AADACL4: variants seen among roughly 807,000 people sequenced by gnomAD.
AADACL4 encodes arylacetamide deacetylase like 4, also known as arylacetamide deacetylase-like 4.
AADACL4 carries 9 observed loss-of-function variants against 14.1 expected under a neutral mutation model. The ratio of observed to expected loss-of-function variants is 0.64; its 90% CI spans 0.39 to 1.12. The LOEUF (loss-of-function observed/expected upper bound fraction) is 1.12, where lower values mean the gene tolerates loss of function less well. AADACL4 is among the 50% of genes most tolerant of loss of function. The pLI, the probability that AADACL4 is intolerant of heterozygous loss-of-function variation, is 0.01. For missense variants in AADACL4, 531 were observed against 516.1 expected, an observed-to-expected ratio of 1.03 and a Z score of -0.28; for synonymous variants, 188 against 201.6, an observed-to-expected ratio of 0.93 and a Z score of 0.57.
chr1:12,666,997 A>G lies in AADACL4; in HGVS notation c.*262A>G. 2.1e-6 allele frequency: 1 copy of G among 468,378 alleles called. No individual in the cohort carries two copies. The allele number at this position is 468,378 out of a possible 1,614,324, so 29.0% of individuals were successfully genotyped here. A position where few individuals can be genotyped will look rare whatever the true frequency, so the allele number is the denominator to read the frequency against. Reference sequence around the variant, plus strand: ...TCCCATTTAGGTGAAATAAATATCAAAAGGAGAAAAAAATGCCTTTAAAAA... The same window carrying G: ...TCCCATTTAGGTGAAATAAATATCAGAAGGAGAAAAAAATGCCTTTAAAAA... On this transcript the variant is annotated 3_prime_UTR_variant, in exon 4 of 4. Transcript: ENST00000376221.
chr1:12,658,991 G>A (rs3000890), intron 2 of AADACL4, among the ~76,000 whole-genome samples: 10,191 of 152,256 alleles, frequency 0.067, 1,087 homozygotes, highest in African/African-American at 0.23. Context: ...ATGCACGAAT[G>A]AATAGATGGA....
chr1:12,665,243 G>C (rs566124730), intron 3 of AADACL4, among the ~76,000 whole-genome samples: 1 of 152,004 alleles, frequency 6.6e-6, no homozygotes, highest in Non-Finnish European at 1.5e-5. Context: ...TTGTTTTTGA[G>C]ATGGAGTCTC....
chr1:12,666,773 T>C lies in AADACL4; in HGVS notation c.*38T>C. 6.5e-7 allele frequency: 1 copy of C among 1,541,010 alleles called. No homozygotes were observed. Among genetic ancestry groups the C allele is most frequent in the South Asian group, 1.2e-5 (1 of 80,958 alleles). ...GGCCCCGAGGAGGAAGGGGCAAGTA[T>C]GGACTCTACCAGAAACCGGGTGCTT... On this transcript the variant is annotated 3_prime_UTR_variant, in exon 4 of 4. Coordinates refer to ENST00000376221, the MANE Select transcript of AADACL4 (RefSeq NM_001013630.2).
rs1553146865 is a variant in AADACL4 at position 12,648,346 on chromosome 1, A to ATCCATCCTTCCT, written c.169-2774_169-2773insATCCTTCCTTCC. On this transcript the variant is annotated intron_variant, in intron 1 of 3. Coordinates refer to ENST00000376221, the MANE Select transcript of AADACL4 (RefSeq NM_001013630.2). ...AGCTATTTAAAATTCTGGACCTCAG[A>ATCCATCCTTCCT]TCCTTCCTTCCTTCCTTCCTTCCTT... 7.7e-3 allele frequency among the ~76,000 whole-genome samples: 1,088 copies of ATCCATCCTTCCT among 140,574 alleles called. 17 individuals carry two copies. The highest frequency in any genetic ancestry group is 0.029 in the African/African-American group (1,024 of 35,454). The allele number at this position is 140,574 out of a possible 152,430, so 92.2% of individuals were successfully genotyped here.
chr1:12,646,370 A>G (rs1647111833), intron 1 of AADACL4, among the ~76,000 whole-genome samples: 1 of 152,226 alleles, frequency 6.6e-6, no homozygotes, highest in Admixed American at 6.5e-5. Flanking sequence ...CGTAAAATAC[A>G]TCTCTGTGCT....
At chr1:12,664,366 T>G (rs1384746720) in intron 3 of AADACL4, among the ~76,000 whole-genome samples, 2 of 152,060 alleles carry the variant, frequency 1.3e-5, no homozygotes, top group Non-Finnish European at 1.5e-5. Flanking sequence ...TTTTTTCTTT[T>G]GTTTTCTTTC....
chr1:12,665,768 CT>C lies in AADACL4; in HGVS notation c.450-191del, dbSNP rs57618930. 7.6e-3 allele frequency among the ~76,000 whole-genome samples: 1,150 copies of C among 152,296 alleles called. 41 individuals are homozygous for C. The East Asian group carries it at 0.083, about 11-fold the overall frequency. On this transcript the variant is annotated intron_variant, in intron 3 of 3. Coordinates refer to ENST00000376221, the MANE Select transcript of AADACL4 (RefSeq NM_001013630.2). ...GAGCACAGGTTTGGAGTTAAGAATCCTTGCCTGTATGACTCTAGGCAGGTTC... is the reference window on the plus strand; with the variant it reads ...GAGCACAGGTTTGGAGTTAAGAATCCTGCCTGTATGACTCTAGGCAGGTTC...
At chr1:12,651,448 T>C in intron 2 of AADACL4, 109 bp downstream of exon 2, 1 of 1,193,476 alleles carries the variant, frequency 8.4e-7, no homozygotes, top group Non-Finnish European at 1.2e-6. Flanking sequence ...GAATCAGTTG[T>C]TGGAGATTTT....
At chr1:12,665,821 G>A in intron 3 of AADACL4, 140 bp from the exon 4 acceptor site, 1 of 953,122 alleles carries the variant, frequency 1.0e-6, no homozygotes, top group Non-Finnish European at 1.5e-6. Flanking sequence ...AAGACAATGG[G>A]GATAAAATCC....
rs1647144715 is a variant in AADACL4 at position 12,651,350 on chromosome 1, T to C, written c.385+11T>C. 1.2e-6 allele frequency: 2 copies of C among 1,613,494 alleles called. No individual in the cohort carries two copies. Among genetic ancestry groups the C allele is most frequent in the South Asian group, 2.2e-5 (2 of 91,056 alleles). The stretch of plus-strand genomic sequence containing the variant: ...TATTTGGGAGCCTGGGTAAGGGGCT[T>C]CCCTGTGGCTTTGTAGAGGAAGGGC... On this transcript the variant is annotated intron_variant, in intron 2 of 3. Coordinates refer to ENST00000376221, the MANE Select transcript of AADACL4 (RefSeq NM_001013630.2).
At chr1:12,654,859 TA>T (rs1029929761) in intron 2 of AADACL4, among the ~76,000 whole-genome samples, 16 of 150,780 alleles carry the variant, frequency 1.1e-4, no homozygotes, top group Non-Finnish European at 2.4e-4. Context: ...CTCTCCGGGG[TA>T]GGGGTGACCA....
chr1:12,650,532 CTTT>C (rs112974569), intron 1 of AADACL4, among the ~76,000 whole-genome samples: 1 of 139,974 alleles, frequency 7.1e-6, no homozygotes, highest in Non-Finnish European at 1.6e-5. Flanking sequence ...ACTGGCTTTT[CTTT>C]TTTTTTTTTT....
intron 2 of AADACL4, 143 bp from the exon 3 acceptor site, chr1:12,661,648 G>C (rs1028051231): frequency 1.1e-6 from 1 of 870,290 alleles, no homozygotes; most frequent in African/African-American, 1.7e-5. Flanking sequence ...TTTTGGCTCT[G>C]TCCAGGCAGA....
chr1:12,651,828 ATTTT>A (rs34997722), intron 2 of AADACL4, among the ~76,000 whole-genome samples: 3 of 124,172 alleles, frequency 2.4e-5, no homozygotes, highest in Admixed American at 8.1e-5. Context: ...AGCTAGGAGG[ATTTT>A]TTTTTTTTTT....
At position 12,665,960 on chromosome 1, in the gene AADACL4, G is replaced by C. The variant is rs200236202; in HGVS notation, c.450-1G>C. On this transcript the variant is annotated splice_acceptor_variant, in intron 3 of 3. Coordinates refer to ENST00000376221, the MANE Select transcript of AADACL4 (RefSeq NM_001013630.2). LOFTEE classifies it high-confidence loss of function. The stretch of plus-strand genomic sequence containing the variant: ...AGTGTTGCTCCCTGTTTTCGTTTTA[G>C]GTACCGCAAGCTTCCTGACCACCAT... The C allele has an allele frequency of 6.9e-5, 111 of 1,599,684 alleles. 2 individuals carry two copies. The East Asian group carries it at 2.4e-3, about 34-fold the overall frequency.
At chr1:12,658,684 C>T (rs1271180917) in intron 2 of AADACL4, among the ~76,000 whole-genome samples, 2 of 147,878 alleles carry the variant, frequency 1.4e-5, no homozygotes, top group African/African-American at 5.1e-5. Flanking sequence ...ACCCCCGGCG[C>T]TGATGCTGCC....
chr1:12,665,970 G>A lies in AADACL4; in HGVS notation c.459G>A (p.Lys153=), dbSNP rs774488359. Residue 153 remains lysine, a synonymous_variant, in exon 4 of 4, where the codon AAG becomes AAA. Transcript: ENST00000376221. ...CCTGTTTTCGTTTTAGGTACCGCAAGCTTCCTGACCACCATTCCCCTGCCC... is the reference window on the plus strand; with the variant it reads ...CCTGTTTTCGTTTTAGGTACCGCAAACTTCCTGACCACCATTCCCCTGCCC... ...ESVLLMIGYR[K]LPDHHSPALF... 1.9e-6 allele frequency: 3 copies of A among 1,604,580 alleles called. No individual in the cohort carries two copies. The highest frequency in any genetic ancestry group is 1.7e-5 in the Admixed American group (1 of 59,198).
At chr1:12,665,660 G>C (rs951211381) in intron 3 of AADACL4, among the ~76,000 whole-genome samples, 1 of 152,112 alleles carries the variant, frequency 6.6e-6, no homozygotes, top group African/African-American at 2.4e-5. Context: ...TTCAGCCATT[G>C]CTGGTTGTTT....
intron 3 of AADACL4, among the ~76,000 whole-genome samples, 186 bp downstream of exon 3, chr1:12,662,040 C>T (rs940444651): frequency 5.9e-5 from 9 of 152,128 alleles, no homozygotes; most frequent in African/African-American, 1.2e-4. Flanking sequence ...TGTCCATGAA[C>T]GGGGGCGTGC....
Sources: gnomAD v4.1 joint callset for allele counts (sites outside exome capture counted in the v4.1 genomes callset) on GRCh38, gnomAD v4.1.1 for gene constraint, MANE v1.5 for transcripts, NCBI Gene and HGNC (gene_info 2026-07-23, HGNC 2026-07-21) for gene names.